ENOX2: variants seen among roughly 807,000 people sequenced by gnomAD.
ENOX2 encodes APK1 antigen.
In ENOX2, 36 loss-of-function variants were observed where a neutral mutation model predicts 45.0. The observed-to-expected ratio is 0.80, with a 90% CI of 0.61 to 1.06. The LOEUF (loss-of-function observed/expected upper bound fraction) is 1.06, where lower values mean the gene tolerates loss of function less well. Among genes scored for constraint, ENOX2 ranks in the 50% least tolerant of loss-of-function variants. ENOX2 has a pLI of 0.00. For missense variants in ENOX2, 423 were observed against 462.5 expected, an observed-to-expected ratio of 0.91 and a Z score of 0.78; for synonymous variants, 174 against 152.3, an observed-to-expected ratio of 1.14 and a Z score of -1.05.
chrX:130,757,033 A>G (rs372886625), intron 3 of ENOX2, among the ~76,000 whole-genome samples: 2 of 112,456 alleles, frequency 1.8e-5, no homozygotes, highest in African/African-American at 6.5e-5. Context: ...CTGTGACTAA[A>G]GCATAAAATT....
intron 10 of ENOX2, among the ~76,000 whole-genome samples, chrX:130,637,747 T>A (rs747706938): frequency 2.8e-4 from 31 of 112,115 alleles, no homozygotes; most frequent in Non-Finnish European, 3.8e-5. Context: ...GCCTACACAA[T>A]CATGTTGCTG....
At chrX:130,860,603 C>T (rs764049887) in intron 2 of ENOX2, among the ~76,000 whole-genome samples, 2 of 111,570 alleles carry the variant, frequency 1.8e-5, no homozygotes, top group Non-Finnish European at 3.8e-5. Flanking sequence ...CCCCCTTTCA[C>T]ACACCATATC....
intron 3 of ENOX2, among the ~76,000 whole-genome samples, chrX:130,764,499 GTT>G (rs111932904): frequency 1.3e-4 from 13 of 98,707 alleles, no homozygotes; most frequent in South Asian, 4.6e-4. Context: ...GTATAGTACA[GTT>G]TTTTTTTTTT....
intron 3 of ENOX2, among the ~76,000 whole-genome samples, chrX:130,715,920 A>T (rs1042758282): frequency 8.9e-6 from 1 of 111,875 alleles, no homozygotes; most frequent in Non-Finnish European, 1.9e-5. Flanking sequence ...AACTTAGTAA[A>T]TGCTTGTAGA....
intron 13 of ENOX2, among the ~76,000 whole-genome samples, chrX:130,628,898 A>ATT (rs199832451): frequency 1.9e-5 from 2 of 103,406 alleles, no homozygotes; most frequent in African/African-American, 7.0e-5. Flanking sequence ...CTTTCTTTCA[A>ATT]TTTTTTTTTT....
rs148745688 is a variant in ENOX2 at position 130,792,752 on chromosome X, C to T, written c.-182-9062G>A. On this transcript the variant is annotated intron_variant, in intron 2 of 14. Coordinates refer to ENST00000394363, the MANE Select transcript of ENOX2 (RefSeq NM_006375.4). ...AGGTTGCAGTGGGCTGAGATCACAC[C>T]ACTGCACTCTAGCCTGGGCTGACAG... is the stretch of plus-strand genomic sequence containing the variant. Among the ~76,000 whole-genome samples, 546 of 111,817 alleles carry T rather than the reference C, an allele frequency of 4.9e-3. 3 individuals carry two copies. Among genetic ancestry groups the T allele is most frequent in the African/African-American group, 0.017 (523 of 30,746 alleles).
intron 4 of ENOX2, among the ~76,000 whole-genome samples, chrX:130,693,516 G>T (rs970981784): frequency 8.9e-5 from 10 of 111,892 alleles, no homozygotes; most frequent in African/African-American, 3.3e-4. Flanking sequence ...ATCCAACTTG[G>T]TCTAATTCTA....
At chrX:130,768,743 G>A (rs1033128864) in intron 3 of ENOX2, among the ~76,000 whole-genome samples, 5 of 111,807 alleles carry the variant, frequency 4.5e-5, no homozygotes, top group Non-Finnish European at 9.4e-5. Flanking sequence ...AAAATAACTC[G>A]GGGGCTATCC....
intron 2 of ENOX2, among the ~76,000 whole-genome samples, chrX:130,899,819 A>G (rs1277056932): frequency 8.9e-6 from 1 of 112,296 alleles, no homozygotes; most frequent in Admixed American, 9.4e-5. Context: ...TGAACATAGA[A>G]ACATAGCATG....
At chrX:130,878,194 C>T (rs963326104) in intron 2 of ENOX2, among the ~76,000 whole-genome samples, 3 of 112,406 alleles carry the variant, frequency 2.7e-5, no homozygotes, top group East Asian at 2.8e-4. Context: ...TATGCTTCAT[C>T]TGGCCTTAAT....
chrX:130,894,782 C>A (rs2079034875), intron 2 of ENOX2, among the ~76,000 whole-genome samples: 1 of 111,122 alleles, frequency 9.0e-6, no homozygotes, highest in Non-Finnish European at 1.9e-5. Context: ...TATCCTGTCC[C>A]CCTTTCCCAT....
Position 130,637,240 on chromosome X carries a change from C to T in ENOX2, c.1300G>A (p.Gly434Arg), listed in dbSNP as rs2035953924. Residue 434 changes from glycine to arginine, a missense_variant, in exon 11 of 15, where the codon GGA (glycine) becomes AGA (arginine). Around this residue, in one of 5 missense-constraint regions of ENOX2, gnomAD observed 108 missense variants for 70.6 expected, o/e 1.53. Coordinates refer to ENST00000394363, the MANE Select transcript of ENOX2 (RefSeq NM_006375.4). ...CAAAATGCCTTTACCTGTTGCATTC[C>T]TTGCAGGGCTTGTTGCAGGAGTTTC... is the stretch of plus-strand genomic sequence containing the variant. ...QLKLLQQALQ[G>R]MQQHLLKVQE... 25 of 1,209,284 alleles carry T rather than the reference C, an allele frequency of 2.1e-5. No homozygotes were observed. The highest frequency in any genetic ancestry group is 2.6e-5 in the Non-Finnish European group (23 of 894,735).
chrX:130,653,238 C>G (rs1233237896), intron 10 of ENOX2, among the ~76,000 whole-genome samples: 1 of 112,000 alleles, frequency 8.9e-6, no homozygotes, highest in Non-Finnish European at 1.9e-5. Flanking sequence ...TCCGGTCCCA[C>G]CCTTCAGCAT....
intron 5 of ENOX2, among the ~76,000 whole-genome samples, chrX:130,680,794 T>G (rs1282155181): frequency 1.8e-5 from 2 of 112,516 alleles, no homozygotes; most frequent in Non-Finnish European, 3.8e-5. Flanking sequence ...ATAGCTCACA[T>G]GCAAAAATAA....
At chrX:130,644,505 G>T (rs745545018) in intron 10 of ENOX2, among the ~76,000 whole-genome samples, 5 of 112,183 alleles carry the variant, frequency 4.5e-5, no homozygotes, top group African/African-American at 1.6e-4. Context: ...CCTTCAGTAA[G>T]TGAATGGATA....
At chrX:130,892,642 C>T (rs2079002113) in intron 2 of ENOX2, among the ~76,000 whole-genome samples, 1 of 112,456 alleles carries the variant, frequency 8.9e-6, no homozygotes, top group African/African-American at 3.2e-5. Flanking sequence ...GTGCCTTGCA[C>T]GACACTAGGT....
intron 12 of ENOX2, among the ~76,000 whole-genome samples, chrX:130,632,215 T>G (rs893575771): frequency 9.0e-6 from 1 of 111,021 alleles, no homozygotes; most frequent in African/African-American, 3.3e-5. Flanking sequence ...AGCTTTCATT[T>G]ACTAGTCTTT....
intron 3 of ENOX2, among the ~76,000 whole-genome samples, chrX:130,726,114 G>A (rs982945729): frequency 8.9e-6 from 1 of 112,052 alleles, no homozygotes; most frequent in Non-Finnish European, 1.9e-5. Context: ...AAAGAACTTG[G>A]AATACACATG....
At chrX:130,641,740 A>C (rs1007571903) in intron 10 of ENOX2, among the ~76,000 whole-genome samples, 2 of 109,017 alleles carry the variant, frequency 1.8e-5, no homozygotes, top group African/African-American at 6.7e-5. Flanking sequence ...AAAAAAAAAA[A>C]AGAGAGAATT....
Sources: allele counts gnomAD v4.1 joint callset (sites outside exome capture counted in the v4.1 genomes callset), GRCh38; gene constraint gnomAD v4.1.1; regional missense constraint gnomAD v4.1.1; transcripts MANE v1.5; gene names NCBI Gene and HGNC (gene_info 2026-07-23, HGNC 2026-07-21).